Variants in MYT1L observed in about 807,000 individuals in gnomAD.
MYT1L encodes myelin transcription factor 1 like.
A neutral mutation model predicts 126.7 loss-of-function variants in MYT1L; 12 were observed. That is an observed-to-expected ratio of 0.09 (90% CI 0.06 to 0.15). The LOEUF is 0.15. Ranked by LOEUF, MYT1L falls within the 10% of genes least tolerant of loss-of-function variation. The pLI is 1.00. For synonymous variants in MYT1L, 541 were observed against 604.2 expected, an observed-to-expected ratio of 0.90 and a Z score of 1.53; for missense variants, 979 against 1,585.2, an observed-to-expected ratio of 0.62 and a Z score of 6.49.
intron 2 of MYT1L, among the ~76,000 whole-genome samples, chr2:2,214,275 A>G (rs1202591633): frequency 6.6e-6 from 1 of 151,990 alleles, no homozygotes; most frequent in Admixed American, 6.6e-5. Context: ...CTATCTATCT[A>G]TCTATCTATC....
intron 4 of MYT1L, among the ~76,000 whole-genome samples, chr2:2,009,529 T>C (rs1459118085): frequency 6.6e-6 from 1 of 152,244 alleles, no homozygotes; most frequent in Non-Finnish European, 1.5e-5. Context: ...CAAATGCTAC[T>C]GATTTTTGTA....
chr2:2,041,410 G>T (rs2067519328), intron 4 of MYT1L, among the ~76,000 whole-genome samples: 1 of 152,208 alleles, frequency 6.6e-6, no homozygotes, highest in Admixed American at 6.5e-5. Context: ...CTGGGTCTTG[G>T]TCTACTCAGA....
intron 18 of MYT1L, among the ~76,000 whole-genome samples, chr2:1,870,953 C>T (rs1365669613): frequency 6.6e-6 from 1 of 152,204 alleles, no homozygotes; most frequent in African/African-American, 2.4e-5. Context: ...TGGTCTTCTG[C>T]TTTACCCGCC....
intron 21 of MYT1L, among the ~76,000 whole-genome samples, chr2:1,838,535 C>T (rs888710727): frequency 1.3e-5 from 2 of 152,150 alleles, no homozygotes; most frequent in African/African-American, 2.4e-5. Flanking sequence ...AGCTGAGGGA[C>T]GCTGAGTGTA....
intron 14 of MYT1L, among the ~76,000 whole-genome samples, chr2:1,898,521 C>T (rs749378189): frequency 6.6e-6 from 1 of 152,236 alleles, no homozygotes; most frequent in Non-Finnish European, 1.5e-5. Flanking sequence ...GTCCTTGGCA[C>T]AGCTACTGCC....
intron 4 of MYT1L, among the ~76,000 whole-genome samples, chr2:2,050,363 C>A (rs191200153): frequency 6.6e-6 from 1 of 152,214 alleles, no homozygotes; most frequent in African/African-American, 2.4e-5. Context: ...AAAATAGTCA[C>A]CATTCAGAAC....
At chr2:1,868,633 G>A (rs2045896517) in intron 18 of MYT1L, among the ~76,000 whole-genome samples, 1 of 152,240 alleles carries the variant, frequency 6.6e-6, no homozygotes, top group Non-Finnish European at 1.5e-5. Context: ...GGCTTAGGAA[G>A]GGAAGGGGGT....
chr2:2,099,618 C>T (rs17039324), intron 3 of MYT1L, among the ~76,000 whole-genome samples: 2,954 of 152,278 alleles, frequency 0.019, 84 homozygotes, highest in African/African-American at 0.064. Context: ...GAGGTACACA[C>T]ATTTACTTAG....
intron 3 of MYT1L, among the ~76,000 whole-genome samples, chr2:2,166,950 C>T (rs559706960): frequency 1.3e-5 from 2 of 152,120 alleles, no homozygotes; most frequent in African/African-American, 4.8e-5. Flanking sequence ...GTTCAGAGTG[C>T]GTCATTTTCC....
chr2:1,792,763 G>A (rs1018636212), intron 23 of MYT1L, among the ~76,000 whole-genome samples: 3 of 149,678 alleles, frequency 2.0e-5, no homozygotes, highest in African/African-American at 7.3e-5. Flanking sequence ...CCAGCTACTC[G>A]GGAGACTGAG....
chr2:2,039,804 G>A (rs1215993962), intron 4 of MYT1L, among the ~76,000 whole-genome samples: 1 of 152,154 alleles, frequency 6.6e-6, no homozygotes, highest in Non-Finnish European at 1.5e-5. Flanking sequence ...TGTGACTAGG[G>A]ACATGACACT....
At chr2:2,270,467 G>C (rs1025050409) in intron 2 of MYT1L, among the ~76,000 whole-genome samples, 4 of 152,134 alleles carry the variant, frequency 2.6e-5, no homozygotes, top group African/African-American at 9.7e-5. Flanking sequence ...CAGATAGAGG[G>C]ATGGATGAAG....
chr2:2,290,938 A>C (rs1342565424), intron 1 of MYT1L, among the ~76,000 whole-genome samples: 1 of 152,220 alleles, frequency 6.6e-6, no homozygotes, highest in Non-Finnish European at 1.5e-5. Context: ...TATGAACTTC[A>C]AAACACAACC....
chr2:1,883,224 A>G (rs571450448), intron 18 of MYT1L, among the ~76,000 whole-genome samples: 76 of 152,352 alleles, frequency 5.0e-4, no homozygotes, highest in African/African-American at 1.8e-3. Context: ...CGAAGCATCA[A>G]TGGAAGCCTA....
At chr2:1,804,723 G>T (rs183827360) in intron 22 of MYT1L, among the ~76,000 whole-genome samples, 6,727 of 152,246 alleles carry the variant, frequency 0.044, 202 homozygotes, top group South Asian at 0.1. Flanking sequence ...GAATTTCCAT[G>T]CCTCCTGGAA....
Position 1,943,016 on chromosome 2 carries a change from C to T in MYT1L, c.471G>A (p.Glu157=), listed in dbSNP as rs550069187. 4.0e-6 allele frequency: 6 copies of T among 1,498,628 alleles called. No homozygotes were observed. Among genetic ancestry groups the T allele is most frequent in the Non-Finnish European group, 4.5e-6 (5 of 1,101,220 alleles). 92.8% of individuals were successfully genotyped at this position (1,498,628 alleles called of 1,614,324 possible). The change falls in exon 9 of 25, where the codon GAG becomes GAA. Residue 157 remains glutamate, a synonymous_variant. Transcript: ENST00000647738. The surrounding 1 kb of genome is among the most constrained non-coding windows in gnomAD (Gnocchi z 4.4). ...CTTCCTCTTCCTCCTCCTCCTCCTC[C>T]TCCTCTTCCTCTTCTTCATCCTCCA... ...EDVEDEEEEE[E]EEEEEEEEEE... is the part of the protein sequence containing the mutation.
intron 4 of MYT1L, among the ~76,000 whole-genome samples, chr2:2,031,684 AT>A (rs1322278434): frequency 7.2e-6 from 1 of 138,382 alleles, no homozygotes; most frequent in African/African-American, 2.8e-5. Context: ...CCCAGAGCAG[AT>A]TCTAGAAGGA....
At chr2:1,977,731 A>C (rs6721182) in intron 8 of MYT1L, among the ~76,000 whole-genome samples, 31,399 of 152,134 alleles carry the variant, frequency 0.21, 3,463 homozygotes, top group East Asian at 0.31. Context: ...TTTATATAAC[A>C]GTGTGATAAA....
chr2:1,855,216 A>G (rs1361615552), intron 18 of MYT1L, among the ~76,000 whole-genome samples: 2 of 152,228 alleles, frequency 1.3e-5, no homozygotes, highest in Non-Finnish European at 2.9e-5. Context: ...CTGTTCATCT[A>G]ACAAAAGGGA....
Sources: gnomAD v4.1 joint callset for allele counts (sites outside exome capture counted in the v4.1 genomes callset) on GRCh38, gnomAD v4.1.1 for gene constraint, Gnocchi (gnomAD v3.1) non-coding constraint, MANE v1.5 for transcripts, NCBI Gene and HGNC (gene_info 2026-07-23, HGNC 2026-07-21) for gene names.